Variants in LRBA observed in about 807,000 individuals in gnomAD.
The protein encoded by LRBA is lipopolysaccharide-responsive and beige-like anchor protein.
LRBA carries 176 observed loss-of-function variants against 330.0 expected under a neutral mutation model. The ratio of observed to expected loss-of-function variants is 0.53; its 90% CI spans 0.47 to 0.60. The LOEUF (loss-of-function observed/expected upper bound fraction) is 0.60. Among genes scored for constraint, LRBA ranks in the 20% least tolerant of loss-of-function variants. The probability of loss-of-function intolerance (pLI) is 0.00; values close to 1 mark genes in which losing one functional copy is unlikely to be tolerated. For synonymous variants in LRBA, 1,230 were observed against 1,193.0 expected (o/e 1.03, Z -0.64); for missense variants, 3,259 against 3,444.8 (o/e 0.95, Z 1.35).
At chr4:150,512,742 T>C in intron 40 of LRBA, among the ~76,000 whole-genome samples, 1 of 136,930 alleles carries the variant, frequency 7.3e-6, no homozygotes. Context: ...AAAAAAAAGA[T>C]GAAGAGTCCT....
At chr4:150,682,865 T>C (rs547606309) in intron 37 of LRBA, among the ~76,000 whole-genome samples, 5 of 152,244 alleles carry the variant, frequency 3.3e-5, no homozygotes, top group African/African-American at 1.2e-4. Context: ...AGTCAACACA[T>C]GTTCCTGAAA....
At chr4:150,494,315 A>G (rs907380900) in intron 40 of LRBA, among the ~76,000 whole-genome samples, 4 of 152,226 alleles carry the variant, frequency 2.6e-5, no homozygotes, top group African/African-American at 9.6e-5. Context: ...TAAAGAGGAA[A>G]GAGGAAAATC....
At chr4:150,386,738 G>A (rs775025902) in intron 47 of LRBA, among the ~76,000 whole-genome samples, 12 of 152,060 alleles carry the variant, frequency 7.9e-5, no homozygotes, top group African/African-American at 2.4e-4. Flanking sequence ...CCATGCAGAC[G>A]TATATTTATA....
chr4:150,823,715 C>T (rs1745807144), intron 30 of LRBA, among the ~76,000 whole-genome samples: 1 of 152,126 alleles, frequency 6.6e-6, no homozygotes, highest in Admixed American at 6.5e-5. Flanking sequence ...GAAGACTGTC[C>T]TTTCCCCATT....
intron 2 of LRBA, among the ~76,000 whole-genome samples, chr4:150,995,951 GGA>G: frequency 6.6e-6 from 1 of 152,076 alleles, no homozygotes; most frequent in East Asian, 1.9e-4. Flanking sequence ...TATGAAGTAG[GGA>G]GAGTCTTCAG....
chr4:150,960,925 A>C (rs2149564841), intron 2 of LRBA, among the ~76,000 whole-genome samples: 1 of 149,414 alleles, frequency 6.7e-6, no homozygotes. Flanking sequence ...GACTCCTAAG[A>C]AGCTTCTGAT....
chr4:150,792,331 T>C lies in LRBA; in HGVS notation c.5580+5750A>G, dbSNP rs535035219. 3.3e-5 allele frequency among the ~76,000 whole-genome samples: 5 copies of C among 152,096 alleles called. No individual in the cohort carries two copies. The East Asian group carries it at 7.7e-4, about 24-fold the overall frequency. ...AGTAAGTAAAACTAATCCACAGTAA[T>C]AGAAATCAAATCACTGGCAACTTGA... On this transcript the variant is annotated intron_variant, in intron 34 of 56. Coordinates refer to ENST00000651943, the MANE Select transcript of LRBA (RefSeq NM_001364905.1).
intron 37 of LRBA, among the ~76,000 whole-genome samples, chr4:150,663,821 A>G (rs979995522): frequency 6.6e-6 from 1 of 152,222 alleles, no homozygotes; most frequent in Non-Finnish European, 1.5e-5. Context: ...ATATAAGCAA[A>G]GAAATATCTA....
At chr4:150,969,416 A>G (rs1326206101) in intron 2 of LRBA, among the ~76,000 whole-genome samples, 3 of 152,198 alleles carry the variant, frequency 2.0e-5, no homozygotes, top group Non-Finnish European at 2.9e-5. Context: ...TCCAGACCCC[A>G]TGGATGACTT....
intron 37 of LRBA, among the ~76,000 whole-genome samples, chr4:150,666,778 T>A (rs2126848772): frequency 6.6e-6 from 1 of 152,350 alleles, no homozygotes; most frequent in East Asian, 1.9e-4. Context: ...CAGTTTATTG[T>A]ATGTCAATTG....
chr4:150,290,369 A>G (rs996145807), intron 53 of LRBA, among the ~76,000 whole-genome samples: 1 of 152,212 alleles, frequency 6.6e-6, no homozygotes, highest in African/African-American at 2.4e-5. Flanking sequence ...AAAATTTGCA[A>G]TAGTTAAGGG....
intron 48 of LRBA, among the ~76,000 whole-genome samples, chr4:150,346,778 A>C (rs1028204398): frequency 1.7e-4 from 25 of 150,438 alleles, no homozygotes; most frequent in African/African-American, 3.2e-4. Flanking sequence ...AAAAAAAAAA[A>C]AAAAAAAAAC....
intron 2 of LRBA, among the ~76,000 whole-genome samples, chr4:150,962,960 A>C (rs1738323985): frequency 6.8e-6 from 1 of 147,806 alleles, no homozygotes; most frequent in Non-Finnish European, 1.5e-5. Context: ...TCTGAAAAAA[A>C]TAATAAATAA....
At chr4:151,008,971 A>G (rs1367875838) in intron 2 of LRBA, among the ~76,000 whole-genome samples, 3 of 5,844 alleles carry the variant, frequency 5.1e-4, no homozygotes, top group African/African-American at 1.1e-3. Flanking sequence ...CTCCATCTCA[A>G]AAAAAAAAAA....
intron 40 of LRBA, among the ~76,000 whole-genome samples, chr4:150,503,468 C>T (rs2102276): frequency 0.95 from 144,985 of 152,120 alleles, 69,297 homozygotes; most frequent in Non-Finnish European, 0.99. Flanking sequence ...TCTACCAAAC[C>T]CCAACAGTTT....
chr4:150,273,652 A>T (rs1746414083), intron 56 of LRBA, among the ~76,000 whole-genome samples: 1 of 152,162 alleles, frequency 6.6e-6, no homozygotes, highest in Non-Finnish European at 1.5e-5. Flanking sequence ...AAAAAAAAGC[A>T]GGGTTGCAAT....
At chr4:150,962,389 T>G (rs1235466919) in intron 2 of LRBA, among the ~76,000 whole-genome samples, 1 of 148,996 alleles carries the variant, frequency 6.7e-6, no homozygotes, top group African/African-American at 2.6e-5. Context: ...ATGGTGGTGC[T>G]CACCTATGAT....
intron 40 of LRBA, among the ~76,000 whole-genome samples, chr4:150,505,686 C>A (rs1760971925): frequency 6.6e-6 from 1 of 152,050 alleles, no homozygotes; most frequent in African/African-American, 2.4e-5. Flanking sequence ...AAAGCAAGAG[C>A]AAACACATTC....
chr4:150,639,749 A>ATG (rs1459373432), intron 37 of LRBA, among the ~76,000 whole-genome samples: 4 of 3,436 alleles, frequency 1.2e-3, no homozygotes, highest in East Asian at 0.012. Context: ...ATATATATAT[A>ATG]TATATATATA....
Sources: gnomAD v4.1 joint callset for allele counts (sites outside exome capture counted in the v4.1 genomes callset) on GRCh38, gnomAD v4.1.1 for gene constraint, MANE v1.5 for transcripts, NCBI Gene and HGNC (gene_info 2026-07-23, HGNC 2026-07-21) for gene names.